Variants in USP35 observed in about 807,000 individuals in gnomAD.
USP35 encodes the protein ubiquitin carboxyl-terminal hydrolase 35.
Under a neutral mutation model 83.8 loss-of-function variants are expected in USP35, and 69 were observed. That is an observed-to-expected ratio of 0.82 (90% CI 0.68 to 1.01). The LOEUF (loss-of-function observed/expected upper bound fraction) is 1.01. Ranked by LOEUF, USP35 falls within the 50% of genes least tolerant of loss-of-function variation. The probability of loss-of-function intolerance (pLI) is 0.00; values close to 1 mark genes in which losing one functional copy is unlikely to be tolerated. For synonymous variants in USP35, 714 were observed against 589.5 expected (o/e 1.21, Z -3.06); for missense variants, 1,503 against 1,362.5 (o/e 1.10, Z -1.62).
Position 78,209,531 on chromosome 11 carries a change from C to T in USP35, c.1676C>T (p.Pro559Leu), listed in dbSNP as rs190931336. The T allele has an allele frequency of 8.9e-4, 1,434 of 1,614,098 alleles. 5 individuals are homozygous for T. The African/African-American group carries it at 0.016, about 18-fold the overall frequency. ...SSSPSPPEEP[P>L]APSSTSVEKM... ...TCGCCCTCTCCGCCCGAGGAGCCCC[C>T]GGCCCCAAGTTCAACCTCTGTGGAA... The change falls in exon 10 of 11, where the codon CCG becomes CTG. Residue 559 changes from proline (P) to leucine (L), a missense_variant. Transcript: ENST00000529308.
chr11:78,215,485 T>C (rs1044070765), downstream of USP35: 7 of 152,634 alleles, frequency 4.6e-5, no homozygotes, highest in South Asian at 1.0e-3. Flanking sequence ...AATTAATAAC[T>C]TAAGTGATTA....
chr11:78,189,353 G>T (rs1415374633), intron 1 of USP35, among the ~76,000 whole-genome samples, 196 bp downstream of exon 1: 1 of 152,178 alleles, frequency 6.6e-6, no homozygotes, highest in Non-Finnish European at 1.5e-5. Flanking sequence ...TTCATCAATT[G>T]TATGTCGAAG....
intron 10 of USP35, 82 bp from the exon 11 acceptor site, chr11:78,213,564 G>GAAAGGTGTT: frequency 1.4e-6 from 2 of 1,389,124 alleles, no homozygotes; most frequent in Non-Finnish European, 1.9e-6. Flanking sequence ...AGGAAACATT[G>GAAAGGTGTT]AAAGGTGTTG....
At chr11:78,228,007 G>C in the USP35 span, among the ~76,000 whole-genome samples, 21 of 152,208 alleles carry the variant, frequency 1.4e-4, no homozygotes, top group Admixed American at 1.3e-3. Flanking sequence ...TTAAATTTAG[G>C]TTTTGGGCAA....
chr11:78,224,639 G>C, the USP35 span, among the ~76,000 whole-genome samples: 1 of 152,086 alleles, frequency 6.6e-6, no homozygotes, highest in African/African-American at 2.4e-5. Context: ...TGGTCTTCTT[G>C]CCTGACACCT....
chr11:78,196,655 GC>G lies in USP35; in HGVS notation c.414del (p.Ala139ArgfsTer51). The G allele has an allele frequency of 7.1e-7, 1 of 1,402,862 alleles. No homozygotes were observed. The highest frequency in any genetic ancestry group is 9.2e-7 in the Non-Finnish European group (1 of 1,087,298). The allele number at this position is 1,402,862 out of a possible 1,614,324, so 86.9% of individuals were successfully genotyped here. On this transcript the variant is annotated frameshift_variant, in exon 2 of 11. Coordinates refer to ENST00000529308, the MANE Select transcript of USP35 (RefSeq NM_020798.4). LOFTEE classifies it high-confidence loss of function. The surrounding 1 kb of genome is among the most constrained non-coding windows in gnomAD (Gnocchi z 4.8). Reference protein sequence around the residue: ...EVLRTVCERPGPAACAQVARL... With the variant: ...EVLRTVCERPXPAACAQVARL... Reference sequence around the variant, plus strand: ...CTGCGCACCGTGTGCGAGCGCCCGGGCCCCGCGGCCTGCGCGCAGGTGGCAC... The same window carrying G: ...CTGCGCACCGTGTGCGAGCGCCCGGGCCCGCGGCCTGCGCGCAGGTGGCAC...
Position 78,209,858 on chromosome 11 carries a change from G to A in USP35, c.2003G>A (p.Gly668Asp). The A allele has an allele frequency of 6.2e-7, 1 of 1,611,902 alleles. No homozygotes were observed. The highest frequency in any genetic ancestry group is 2.2e-5 in the East Asian group (1 of 44,740). ...GAAGGCCTGGACTCCAAGGAAGCTGGTGGGCAGAGCAGTCAGGAGGAAAGG... is the reference window on the plus strand; with the variant it reads ...GAAGGCCTGGACTCCAAGGAAGCTGATGGGCAGAGCAGTCAGGAGGAAAGG... ...YIEGLDSKEA[G>D]GQSSQEERIE... Residue 668 changes from glycine to aspartate, a missense_variant, in exon 10 of 11, where the codon GGT (glycine) becomes GAT (aspartate). Physicochemically the swap from Gly to Asp is moderately conservative, Grantham distance 94. Coordinates refer to ENST00000529308, the MANE Select transcript of USP35 (RefSeq NM_020798.4).
the USP35 span, among the ~76,000 whole-genome samples, chr11:78,226,046 A>T: frequency 6.6e-6 from 1 of 152,184 alleles, no homozygotes; most frequent in Admixed American, 6.5e-5. Context: ...AAATATTAAG[A>T]CCTCGTTTTG....
Position 78,196,420 on chromosome 11 carries a change from C to G in USP35, c.175C>G (p.Arg59Gly). The G allele has an allele frequency of 1.5e-6, 2 of 1,294,630 alleles. No individual in the cohort carries two copies. The highest frequency in any genetic ancestry group is 1.6e-5 in the African/African-American group (1 of 63,256). The allele number at this position is 1,294,630 out of a possible 1,614,324, so 80.2% of individuals were successfully genotyped here. A position where few individuals can be genotyped will look rare whatever the true frequency, so the allele number is the denominator to read the frequency against. ...GGGCGGCGCGGAGGAGCTGCCGCGC[C>G]GCGTGGGCTGCCAGCTGCTGCACGT... The part of the protein sequence containing the change: ...YVGGAEELPR[R>G]VGCQLLHVAG... Residue 59 changes from arginine to glycine, a missense_variant, in exon 2 of 11, where the codon CGC becomes GGC. By Grantham distance (125) the Arg-to-Gly change is moderately radical. Transcript: ENST00000529308. The surrounding 1 kb of genome is among the most constrained non-coding windows in gnomAD (Gnocchi z 4.8).
At chr11:78,194,074 T>G (rs1029156588) in intron 1 of USP35, among the ~76,000 whole-genome samples, 3 of 151,986 alleles carry the variant, frequency 2.0e-5, no homozygotes, top group Non-Finnish European at 2.9e-5. Flanking sequence ...TCTGAGGCAT[T>G]CTGAGGCTTC....
At chr11:78,231,331 T>C in the USP35 span, among the ~76,000 whole-genome samples, 2 of 107,468 alleles carry the variant, frequency 1.9e-5, no homozygotes, top group Admixed American at 9.5e-5. Context: ...CGCGCGCGCG[T>C]GTGTGGTGTG....
intron 4 of USP35, 144 bp from the exon 5 acceptor site, chr11:78,199,989 A>G: frequency 1.0e-6 from 1 of 953,862 alleles, no homozygotes; most frequent in Non-Finnish European, 1.6e-6. Flanking sequence ...CTGTCTGTCC[A>G]TCTGGGTCTG....
At chr11:78,222,505 TAA>T in the USP35 span, among the ~76,000 whole-genome samples, 17 of 148,750 alleles carry the variant, frequency 1.1e-4, no homozygotes, top group Admixed American at 3.4e-4. Context: ...CATTTAAAAA[TAA>T]AAGACTATAT....
At chr11:78,209,012 G>C in intron 9 of USP35, 49 bp downstream of exon 9, 1 of 1,580,408 alleles carries the variant, frequency 6.3e-7, no homozygotes, top group Non-Finnish European at 8.7e-7. Context: ...AGGGTCCTTG[G>C]GGGCAAGCCC....
chr11:78,189,368 C>G (rs967210588), intron 1 of USP35, among the ~76,000 whole-genome samples: 3 of 152,192 alleles, frequency 2.0e-5, no homozygotes, highest in African/African-American at 7.2e-5. Context: ...TCGAAGTGAT[C>G]CTGCTCCCTC....
At chr11:78,225,101 C>T in the USP35 span, 1 of 1,597,702 alleles carries the variant, frequency 6.3e-7, no homozygotes, top group Non-Finnish European at 8.6e-7. Context: ...GGTTAACCCA[C>T]ACTCACCAGG....
intron 6 of USP35, among the ~76,000 whole-genome samples, chr11:78,201,295 T>C (rs185562119): frequency 9.8e-5 from 15 of 152,294 alleles, no homozygotes; most frequent in Admixed American, 9.8e-4. Context: ...CTTGCCAGAC[T>C]GTGAGCACTC....
At chr11:78,197,630 C>G (rs1863191989) in intron 2 of USP35, among the ~76,000 whole-genome samples, 1 of 152,182 alleles carries the variant, frequency 6.6e-6, no homozygotes, top group Non-Finnish European at 1.5e-5. Context: ...TCCTCCAGTC[C>G]ACGCAGCCCT....
intron 1 of USP35, among the ~76,000 whole-genome samples, chr11:78,193,778 A>G (rs943211235): frequency 1.3e-5 from 2 of 152,156 alleles, no homozygotes; most frequent in Non-Finnish European, 2.9e-5. Flanking sequence ...CCAGAATCGA[A>G]CACATCATTT....
Sources: allele counts gnomAD v4.1 joint callset (sites outside exome capture counted in the v4.1 genomes callset), GRCh38; gene constraint gnomAD v4.1.1; non-coding constraint Gnocchi (gnomAD v3.1); transcripts MANE v1.5; gene names NCBI Gene and HGNC (gene_info 2026-07-23, HGNC 2026-07-21).